Variants in FAR2 observed in about 807,000 individuals in gnomAD.
The protein encoded by FAR2 is epididymis secretory protein Li 81.
In FAR2, 19 loss-of-function variants were observed where a neutral mutation model predicts 56.0. The ratio of observed to expected loss-of-function variants is 0.34; its 90% CI spans 0.24 to 0.50. The LOEUF is 0.50. Among genes scored for constraint, FAR2 ranks in the 20% least tolerant of loss-of-function variants. FAR2 has a pLI of 0.98. For missense variants in FAR2, 508 were observed against 642.2 expected (o/e 0.79, Z 2.26); for synonymous variants, 219 against 218.8 (o/e 1.00, Z -0.01).
At chr12:29,308,408 C>A (rs1434897021) in intron 5 of FAR2, among the ~76,000 whole-genome samples, 1 of 152,034 alleles carries the variant, frequency 6.6e-6, no homozygotes, top group Non-Finnish European at 1.5e-5. Context: ...TAAAACAGGA[C>A]AGATACTATG....
At chr12:29,204,470 G>A (rs771384399) in intron 1 of FAR2, among the ~76,000 whole-genome samples, 4 of 152,174 alleles carry the variant, frequency 2.6e-5, no homozygotes, top group African/African-American at 9.7e-5. Flanking sequence ...ATGGGGATGA[G>A]GCATTTAAAG....
At position 29,311,693 on chromosome 12, in the gene FAR2, CAT is replaced by C. The variant is rs1491141502; in HGVS notation, c.888-189_888-188del. 8.5e-4 allele frequency among the ~76,000 whole-genome samples: 128 copies of C among 151,306 alleles called. 1 individual carries two copies. Among genetic ancestry groups the C allele is most frequent in the Admixed American group, 2.0e-3 (30 of 15,160 alleles). ...ACACACACACACACACACACACACA[CAT>C]GCTTTTCCTAGTCTTCTTCCATTTT... On this transcript the variant is annotated intron_variant, in intron 7 of 11. Coordinates refer to ENST00000536681, the MANE Select transcript of FAR2 (RefSeq NM_001271783.2).
chr12:29,295,063 T>G (rs1949036362), intron 3 of FAR2, among the ~76,000 whole-genome samples: 1 of 152,112 alleles, frequency 6.6e-6, no homozygotes, highest in African/African-American at 2.4e-5. Flanking sequence ...AGAGCAAGCA[T>G]ACTCACAGCA....
intron 5 of FAR2, among the ~76,000 whole-genome samples, 156 bp from the exon 6 acceptor site, chr12:29,309,030 T>TC (rs1205332078): frequency 2.0e-5 from 3 of 152,198 alleles, no homozygotes; most frequent in Admixed American, 1.3e-4. Context: ...TGCTTTGCCA[T>TC]TATCTTTTGA....
intron 1 of FAR2, among the ~76,000 whole-genome samples, chr12:29,215,118 G>A (rs1488613772): frequency 3.9e-5 from 6 of 152,198 alleles, no homozygotes; most frequent in African/African-American, 1.4e-4. Flanking sequence ...GACCTACAGT[G>A]TAGTCATGAG....
chr12:29,200,888 G>C (rs1947400614), intron 1 of FAR2, among the ~76,000 whole-genome samples: 1 of 151,994 alleles, frequency 6.6e-6, no homozygotes, highest in Non-Finnish European at 1.5e-5. Flanking sequence ...AGCTGATCAG[G>C]GCCAGTCGCA....
intron 1 of FAR2, among the ~76,000 whole-genome samples, chr12:29,195,647 A>G (rs1030177344): frequency 6.6e-6 from 1 of 152,184 alleles, no homozygotes; most frequent in South Asian, 2.1e-4. Context: ...AAAATAGTGG[A>G]GATTCAGAGA....
Position 29,311,153 on chromosome 12 carries a change from A to C in FAR2, c.887+7A>C, listed in dbSNP as rs771289357. ...GGTATACTGCAGTTCACAGGTGTGG[A>C]TGCTCAAGTGGGCTTTCAAAGACTT... On this transcript the variant is annotated splice_region_variant and intron_variant, in intron 7 of 11. Transcript: ENST00000536681. 5 of 1,598,268 alleles carry C rather than the reference A, an allele frequency of 3.1e-6. No homozygotes were observed. The South Asian group carries it at 5.5e-5, about 18-fold the overall frequency.
intron 4 of FAR2, among the ~76,000 whole-genome samples, chr12:29,300,896 C>A (rs1418681697): frequency 6.6e-6 from 1 of 152,062 alleles, no homozygotes; most frequent in Non-Finnish European, 1.5e-5. Flanking sequence ...GCATTTTTGG[C>A]CCGGACCTTT....
At chr12:29,234,592 T>C (rs1947909274) in intron 1 of FAR2, among the ~76,000 whole-genome samples, 1 of 152,216 alleles carries the variant, frequency 6.6e-6, no homozygotes, top group African/African-American at 2.4e-5. Context: ...ACACTGCAAC[T>C]GGTCAACTTT....
chr12:29,257,037 G>A (rs535082032), intron 1 of FAR2, among the ~76,000 whole-genome samples: 6 of 152,386 alleles, frequency 3.9e-5, no homozygotes, highest in Non-Finnish European at 7.3e-5. Flanking sequence ...GGTGCACGGC[G>A]CGGGACTGGC....
chr12:29,246,963 T>C (rs1002855505), intron 1 of FAR2, among the ~76,000 whole-genome samples: 1 of 152,168 alleles, frequency 6.6e-6, no homozygotes, highest in Admixed American at 6.5e-5. Context: ...CTAATAACTT[T>C]ATTAGTTATT....
chr12:29,333,081 G>A (rs1398748703), intron 11 of FAR2: 4 of 355,566 alleles, frequency 1.1e-5, no homozygotes, highest in Non-Finnish European at 2.2e-5. Context: ...ACAGGCAGGA[G>A]ACCTGATTAT....
At chr12:29,332,967 C>T in intron 11 of FAR2, 1 of 562,266 alleles carries the variant, frequency 1.8e-6, no homozygotes, top group Non-Finnish European at 3.3e-6. Flanking sequence ...TTAAACACAG[C>T]AAATAACTTG....
intron 2 of FAR2, among the ~76,000 whole-genome samples, chr12:29,285,985 T>G (rs1054080493): frequency 6.6e-6 from 1 of 152,024 alleles, no homozygotes; most frequent in African/African-American, 2.4e-5. Context: ...CAACATGATT[T>G]TGGCATACAT....
intron 2 of FAR2, among the ~76,000 whole-genome samples, chr12:29,290,447 GAA>G (rs1051749214): frequency 3.0e-5 from 4 of 131,940 alleles, no homozygotes; most frequent in African/African-American, 2.8e-5. Flanking sequence ...CTCTGTCTGA[GAA>G]AAAAAAAAAA....
intron 1 of FAR2, among the ~76,000 whole-genome samples, chr12:29,216,347 T>G (rs1175509454): frequency 6.6e-6 from 1 of 152,238 alleles, no homozygotes; most frequent in Non-Finnish European, 1.5e-5. Context: ...TGTTTTTATG[T>G]TACCAGGAAT....
At chr12:29,177,463 T>C (rs1371407163) in intron 1 of FAR2, among the ~76,000 whole-genome samples, 1 of 152,246 alleles carries the variant, frequency 6.6e-6, no homozygotes, top group Non-Finnish European at 1.5e-5. Flanking sequence ...ATGATGTCAC[T>C]GAGAACTCTG....
At chr12:29,305,352 G>A (rs1266794321) in intron 4 of FAR2, among the ~76,000 whole-genome samples, 1 of 151,858 alleles carries the variant, frequency 6.6e-6, no homozygotes, top group African/African-American at 2.4e-5. Flanking sequence ...TGCCCAGGCT[G>A]GTCTCAAACT....
Sources: allele counts gnomAD v4.1 joint callset (sites outside exome capture counted in the v4.1 genomes callset), GRCh38; gene constraint gnomAD v4.1.1; transcripts MANE v1.5; gene names NCBI Gene and HGNC (gene_info 2026-07-23, HGNC 2026-07-21).